Variants in CDYL2 observed in about 807,000 individuals in gnomAD.
CDYL2 encodes chromodomain Y like 2, also known as chromodomain Y-like protein 2.
A neutral mutation model predicts 49.4 loss-of-function variants in CDYL2; 23 were observed. The observed-to-expected ratio is 0.47, with a 90% CI of 0.34 to 0.66. The LOEUF (loss-of-function observed/expected upper bound fraction) is 0.66. Ranked by LOEUF, CDYL2 falls within the 30% of genes least tolerant of loss-of-function variation. CDYL2 has a pLI of 0.01. For synonymous variants in CDYL2, 360 were observed against 268.8 expected (o/e 1.34, Z -3.32); for missense variants, 678 against 656.4 (o/e 1.03, Z -0.36).
intron 2 of CDYL2, among the ~76,000 whole-genome samples, chr16:80,634,967 T>G (rs1023650741): frequency 7.9e-5 from 12 of 152,332 alleles, no homozygotes; most frequent in African/African-American, 2.9e-4. Context: ...ACTTCCTAAT[T>G]CATTCCATGA....
At chr16:80,608,782 GA>G (rs1352049958) in intron 5 of CDYL2, among the ~76,000 whole-genome samples, 16 of 152,096 alleles carry the variant, frequency 1.1e-4, no homozygotes, top group Admixed American at 8.5e-4. Flanking sequence ...AAGGAAAGGA[GA>G]AATAGGGGAA....
rs143353347 is a variant in CDYL2, at chr16:80,689,200, A to G, written c.25-4071T>C. On this transcript the variant is annotated intron_variant, in intron 1 of 6. Coordinates refer to ENST00000570137, the MANE Select transcript of CDYL2 (RefSeq NM_152342.4). Reference sequence around the variant, plus strand: ...TCAGAGTTCAATCAAATCATTCATTAACATTTACTCTCCATGATCCCAGCT... The same window carrying G: ...TCAGAGTTCAATCAAATCATTCATTGACATTTACTCTCCATGATCCCAGCT... Among the ~76,000 whole-genome samples, 31 of 152,350 alleles carry G rather than the reference A, an allele frequency of 2.0e-4. No individual in the cohort carries two copies. The East Asian group carries it at 6.0e-3, about 29-fold the overall frequency.
chr16:80,804,227 CCGT>C lies in CDYL2; in HGVS notation c.-57_-55del. ...GTGCGCGTCTGCTCGCTCGCGCCCT[CCGT>C]GCGTGTGCGCGCGGGGTCCGGTGTG... On this transcript the variant is annotated 5_prime_UTR_variant, in exon 1 of 7. Transcript: ENST00000570137. 1 of 1,331,012 alleles carries C rather than the reference CCGT, an allele frequency of 7.5e-7. No homozygotes were observed. The highest frequency in any genetic ancestry group is 9.9e-7 in the Non-Finnish European group (1 of 1,013,438). The allele number at this position is 1,331,012 out of a possible 1,614,324, so 82.5% of individuals were successfully genotyped here. A position where few individuals can be genotyped will look rare whatever the true frequency, so the allele number is the denominator to read the frequency against.
In CDYL2 at chr16:80,612,615, A is replaced by G. The variant is rs1346815966; in HGVS notation, c.1218+11T>C. On this transcript the variant is annotated intron_variant, in intron 5 of 6. Transcript: ENST00000570137. This position sits in a 1 kb window ranked among gnomAD's most constrained non-coding sequence, Gnocchi z 5.0. ...GCTGGGACCCGAATCCAGGTATCAC[A>G]GGAGGCTTACCAGCGCGACGCCCAG... 4.4e-6 allele frequency: 7 copies of G among 1,594,070 alleles called. No homozygotes were observed. The highest frequency in any genetic ancestry group is 2.1e-4 in the Middle Eastern group (1 of 4,660).
At chr16:80,706,399 C>T (rs76928429) in intron 1 of CDYL2, among the ~76,000 whole-genome samples, 2,685 of 152,282 alleles carry the variant, frequency 0.018, 27 homozygotes, top group African/African-American at 0.025. Context: ...TAAACCTCAG[C>T]TTGAATCTAG....
chr16:80,665,786 G>C (rs1398988081), intron 2 of CDYL2, among the ~76,000 whole-genome samples: 1 of 152,088 alleles, frequency 6.6e-6, no homozygotes, highest in Admixed American at 6.5e-5. Context: ...CACCAAGATG[G>C]CAGGTGAAAA....
chr16:80,662,076 C>T (rs1358731224), intron 2 of CDYL2, among the ~76,000 whole-genome samples: 1 of 152,170 alleles, frequency 6.6e-6, no homozygotes. Flanking sequence ...ATGAAGTCTC[C>T]ATGTGTCAAA....
At chr16:80,647,657 T>C (rs1224077361) in intron 2 of CDYL2, among the ~76,000 whole-genome samples, 1 of 152,124 alleles carries the variant, frequency 6.6e-6, no homozygotes. Flanking sequence ...AACAAAGAAA[T>C]ATTGGACTTC....
intron 1 of CDYL2, among the ~76,000 whole-genome samples, chr16:80,689,405 T>G (rs1910323998): frequency 1.3e-5 from 2 of 152,336 alleles, no homozygotes; most frequent in Admixed American, 1.3e-4. Context: ...TTAGATTTCA[T>G]CTTATGCCCA....
intron 1 of CDYL2, among the ~76,000 whole-genome samples, chr16:80,801,917 T>C (rs1907938077): frequency 6.6e-6 from 1 of 152,252 alleles, no homozygotes; most frequent in African/African-American, 2.4e-5. Context: ...ACATTCGTTA[T>C]ATTCTCGTAA....
intron 2 of CDYL2, among the ~76,000 whole-genome samples, chr16:80,675,868 T>G (rs1431726315): frequency 6.6e-6 from 1 of 152,150 alleles, no homozygotes; most frequent in Non-Finnish European, 1.5e-5. Context: ...AGTCCCCTGA[T>G]GGATAGCCAT....
intron 1 of CDYL2, among the ~76,000 whole-genome samples, chr16:80,799,193 A>G (rs571809950): frequency 1.1e-4 from 16 of 152,342 alleles, no homozygotes; most frequent in African/African-American, 3.8e-4. Flanking sequence ...TTCAGATATC[A>G]CATTAGTATT....
At chr16:80,763,110 G>C (rs1329213259) in intron 1 of CDYL2, among the ~76,000 whole-genome samples, 1 of 151,974 alleles carries the variant, frequency 6.6e-6, no homozygotes, top group Admixed American at 6.5e-5. Flanking sequence ...TGAGGCTGTA[G>C]TGAGCTGAGA....
chr16:80,626,482 G>A (rs186524208), intron 3 of CDYL2, among the ~76,000 whole-genome samples: 1 of 152,276 alleles, frequency 6.6e-6, no homozygotes, highest in East Asian at 1.9e-4. Context: ...TTCGGAAGTG[G>A]TGGAGGTAGT....
chr16:80,635,855 C>A (rs1907797858), intron 2 of CDYL2, among the ~76,000 whole-genome samples: 1 of 152,042 alleles, frequency 6.6e-6, no homozygotes, highest in East Asian at 1.9e-4. Context: ...GGTACTGGTA[C>A]CAAAACAGAC....
rs912395639 is a variant in CDYL2, at chr16:80,601,574, G to C, written c.*2814C>G. On this transcript the variant is annotated 3_prime_UTR_variant, in exon 7 of 7. Coordinates refer to ENST00000570137, the MANE Select transcript of CDYL2 (RefSeq NM_152342.4). The stretch of plus-strand genomic sequence containing the variant: ...AAATGAAAGTCTGAGCTCTGTCTCA[G>C]GAAAGCTATTAGGATAAACCCTGAC... The C allele has an allele frequency of 6.6e-6, 1 of 152,132 alleles. No homozygotes were observed. The highest frequency in any genetic ancestry group is 2.4e-5 in the African/African-American group (1 of 41,418). The allele number at this position is 152,132 out of a possible 1,614,324, so 9.4% of individuals were successfully genotyped here. A position where few individuals can be genotyped will look rare whatever the true frequency, so the allele number is the denominator to read the frequency against.
intron 1 of CDYL2, among the ~76,000 whole-genome samples, chr16:80,711,878 G>A (rs41472047): frequency 0.033 from 4,960 of 151,872 alleles, 120 homozygotes; most frequent in African/African-American, 0.074. Context: ...ATGGCACTGC[G>A]GAATAGAGAC....
At chr16:80,674,105 A>C (rs1235427065) in intron 2 of CDYL2, among the ~76,000 whole-genome samples, 1 of 152,122 alleles carries the variant, frequency 6.6e-6, no homozygotes, top group African/African-American at 2.4e-5. Flanking sequence ...AGTTGGGAGG[A>C]ATTTGTTACA....
At position 80,619,538 on chromosome 16, in the gene CDYL2, T is replaced by G. The variant is rs573038232; in HGVS notation, c.1007+1225A>C. ...ACTTGTTTCTCTGGATGGGCTCTGG[T>G]GGCCTCATGCATGACGAGAGAAGCA... On this transcript the variant is annotated intron_variant, in intron 4 of 6. Transcript: ENST00000570137. Among the ~76,000 whole-genome samples, 6 of 152,316 alleles carry G rather than the reference T, an allele frequency of 3.9e-5. No individual in the cohort carries two copies. In the East Asian group the frequency reaches 7.7e-4, roughly 20 times the overall value.
Sources: gnomAD v4.1 joint callset for allele counts (sites outside exome capture counted in the v4.1 genomes callset) on GRCh38, gnomAD v4.1.1 for gene constraint, Gnocchi (gnomAD v3.1) non-coding constraint, MANE v1.5 for transcripts, NCBI Gene and HGNC (gene_info 2026-07-23, HGNC 2026-07-21) for gene names.